ART3: variants seen among roughly 807,000 people sequenced by gnomAD.
ART3 encodes ADP-ribosyltransferase 3 (inactive), also known as ecto-ADP-ribosyltransferase 3.
ART3 carries 49 observed loss-of-function variants against 48.5 expected under a neutral mutation model. The ratio of observed to expected loss-of-function variants is 1.01; its 90% CI spans 0.80 to 1.28. ART3 has a LOEUF of 1.28. Ranked by LOEUF, ART3 falls within the 50% of genes most tolerant of loss-of-function variation. The pLI is 0.00. For synonymous variants in ART3, 145 were observed against 157.2 expected (o/e 0.92, Z 0.58); for missense variants, 438 against 454.3 (o/e 0.96, Z 0.33).
Position 76,081,886 on chromosome 4 carries a change from G to A in ART3, c.132G>A (p.Thr44=), listed in dbSNP as rs553903506. Residue 44 remains threonine (T), a synonymous_variant, in exon 3 of 12, where the codon ACG becomes ACA. Transcript: ENST00000355810. The stretch of plus-strand genomic sequence containing the variant: ...TTGATGATGAATACCTGAAATGTAC[G>A]GACAGGATGGAAATTAAATACGTTC... ...NAFDDEYLKC[T]DRMEIKYVPQ... is the part of the protein sequence containing the mutation. 8.1e-6 allele frequency: 13 copies of A among 1,614,106 alleles called. No individual in the cohort carries two copies. The highest frequency in any genetic ancestry group is 4.0e-5 in the African/African-American group (3 of 75,020).
At chr4:76,076,047 A>G (rs7671170) in intron 2 of ART3, 89 bp downstream of exon 2, 125,222 of 1,195,092 alleles carry the variant, frequency 0.1, 12,358 homozygotes, top group African/African-American at 0.47. Flanking sequence ...TGTCGCCCAG[A>G]CTGCTGGAGT....
chr4:76,018,033 C>A (rs1732420061), intron 1 of ART3, among the ~76,000 whole-genome samples: 1 of 152,232 alleles, frequency 6.6e-6, no homozygotes, highest in African/African-American at 2.4e-5. Flanking sequence ...TGAGAAGCAG[C>A]TTGGATATTT....
At chr4:76,064,224 G>A (rs1441914682) in intron 1 of ART3, among the ~76,000 whole-genome samples, 2 of 152,106 alleles carry the variant, frequency 1.3e-5, no homozygotes, top group Middle Eastern at 3.2e-3. Context: ...TTAGGTACAC[G>A]ATGGAGACAA....
chr4:76,106,741 C>A (rs1326736327), intron 10 of ART3, among the ~76,000 whole-genome samples: 3 of 152,148 alleles, frequency 2.0e-5, no homozygotes, highest in Non-Finnish European at 4.4e-5. Flanking sequence ...ACTTCCCCCC[C>A]ACCTCCCTTT....
At chr4:76,091,259 C>T (rs1724823813) in intron 3 of ART3, among the ~76,000 whole-genome samples, 1 of 152,108 alleles carries the variant, frequency 6.6e-6, no homozygotes, top group Non-Finnish European at 1.5e-5. Context: ...TGAGTAAATG[C>T]CTAGGAATGC....
intron 10 of ART3, among the ~76,000 whole-genome samples, chr4:76,106,952 C>G (rs1387288241): frequency 6.6e-6 from 1 of 152,172 alleles, no homozygotes; most frequent in Admixed American, 6.5e-5. Context: ...GAAAGCCATA[C>G]ACATTCAGTA....
chr4:76,099,169 G>A (rs1192254011), intron 5 of ART3, 182 bp downstream of exon 5: 3 of 571,930 alleles, frequency 5.2e-6, no homozygotes, highest in Admixed American at 2.4e-5. Flanking sequence ...AGGCATGGTG[G>A]TGTGCACCTG....
intron 1 of ART3, among the ~76,000 whole-genome samples, chr4:76,051,632 C>T (rs538034219): frequency 7.9e-5 from 12 of 152,030 alleles, no homozygotes; most frequent in Admixed American, 2.6e-4. Context: ...ATCTGCCTCC[C>T]GGGCACAAAC....
chr4:76,050,595 C>T (rs1285320095), intron 1 of ART3, among the ~76,000 whole-genome samples: 1 of 152,242 alleles, frequency 6.6e-6, no homozygotes, highest in East Asian at 1.9e-4. Context: ...TGGCTTCACG[C>T]AGTGGATCCC....
intron 1 of ART3, among the ~76,000 whole-genome samples, chr4:76,043,367 C>T (rs896820080): frequency 8.5e-5 from 13 of 152,078 alleles, no homozygotes; most frequent in African/African-American, 2.6e-4. Context: ...CAGGGAGGCT[C>T]GGGCCACACA....
chr4:76,078,387 C>T lies in ART3; in HGVS notation c.69+2429C>T, dbSNP rs149081343. 6.5e-3 allele frequency among the ~76,000 whole-genome samples: 986 copies of T among 152,168 alleles called. 8 individuals carry two copies. The highest frequency in any genetic ancestry group is 0.051 in the Middle Eastern group (15 of 294). On this transcript the variant is annotated intron_variant, in intron 2 of 11. Transcript: ENST00000355810. ...TGTTTTCAGGGTCTGGTGTCTTATA[C>T]GGTGTTGAAGTCTTGAAGATAAATC...
chr4:76,088,251 T>C (rs969232225), intron 3 of ART3, among the ~76,000 whole-genome samples: 180 of 148,534 alleles, frequency 1.2e-3, no homozygotes, highest in African/African-American at 4.3e-3. Context: ...GAACTCTCTT[T>C]TTTTTTTTTT....
At chr4:76,086,971 T>G (rs1723734392) in intron 3 of ART3, among the ~76,000 whole-genome samples, 1 of 152,218 alleles carries the variant, frequency 6.6e-6, no homozygotes, top group Admixed American at 6.5e-5. Context: ...CTTGTGAAAC[T>G]TTATCAGCAT....
rs1729696240 is a variant in ART3 at position 76,112,583 on chromosome 4, C to CA, written c.*68dup. 6.8e-7 allele frequency: 1 copy of CA among 1,473,924 alleles called. No homozygotes were observed. 91.3% of individuals were successfully genotyped at this position (1,473,924 alleles called of 1,614,324 possible). ...ATAACTATAGGGATCCACAGGAGAT[C>CA]AAAAGGAATGATGTATTTTTTACGT... On this transcript the variant is annotated 3_prime_UTR_variant, in exon 12 of 12. Transcript: ENST00000355810.
At chr4:76,065,056 T>C (rs1250446915) in intron 1 of ART3, among the ~76,000 whole-genome samples, 1 of 152,086 alleles carries the variant, frequency 6.6e-6, no homozygotes, top group Non-Finnish European at 1.5e-5. Context: ...GGTCTCGAAC[T>C]CCTGAGCTCA....
intron 1 of ART3, among the ~76,000 whole-genome samples, chr4:76,054,856 G>T (rs1718528465): frequency 6.6e-6 from 1 of 152,176 alleles, no homozygotes; most frequent in African/African-American, 2.4e-5. Flanking sequence ...AAATATTTAG[G>T]CTATGTTTTC....
chr4:76,017,681 G>T (rs1033835571), intron 1 of ART3, among the ~76,000 whole-genome samples: 3 of 152,122 alleles, frequency 2.0e-5, no homozygotes, highest in African/African-American at 7.2e-5. Context: ...AATCCTTGTG[G>T]CCTAGACTGC....
At chr4:76,039,813 A>C (rs1300385201) in intron 1 of ART3, among the ~76,000 whole-genome samples, 1 of 152,216 alleles carries the variant, frequency 6.6e-6, no homozygotes, top group Non-Finnish European at 1.5e-5. Flanking sequence ...AATAGACATA[A>C]TTCAAATTTA....
chr4:76,093,528 TTA>T lies in ART3; in HGVS notation c.782-4114_782-4113del, dbSNP rs1380028844. Among the ~76,000 whole-genome samples the T allele has an allele frequency of 4.6e-5, 7 of 152,018 alleles. No homozygotes were observed. In the South Asian group the frequency reaches 1.0e-3, roughly 22 times the overall value. The stretch of plus-strand genomic sequence containing the variant: ...TCTTGTTTTTTCCACTTTTAAGAAT[TTA>T]TGTTATTAGATTGAGCTCACCTGGA... On this transcript the variant is annotated intron_variant, in intron 3 of 11. Coordinates refer to ENST00000355810, the MANE Select transcript of ART3 (RefSeq NM_001130016.3).
Sources: gnomAD v4.1 joint callset for allele counts (sites outside exome capture counted in the v4.1 genomes callset) on GRCh38, gnomAD v4.1.1 for gene constraint, MANE v1.5 for transcripts, NCBI Gene and HGNC (gene_info 2026-07-23, HGNC 2026-07-21) for gene names.